Variants in NAV3 observed in about 807,000 individuals in gnomAD.
NAV3 encodes pore membrane and/or filament interacting like protein 1.
In NAV3, 87 loss-of-function variants were observed where a neutral mutation model predicts 244.7. That is an observed-to-expected ratio of 0.36 (90% CI 0.30 to 0.42). The LOEUF is 0.42. NAV3 is among the 20% of genes least tolerant of loss of function. The probability of loss-of-function intolerance (pLI) is 1.00; values close to 1 mark genes in which losing one functional copy is unlikely to be tolerated. For missense variants in NAV3, 2,663 were observed against 2,893.3 expected, an observed-to-expected ratio of 0.92 and a Z score of 1.83; for synonymous variants, 1,126 against 1,042.2, an observed-to-expected ratio of 1.08 and a Z score of -1.55.
intron 18 of NAV3, among the ~76,000 whole-genome samples, chr12:78,136,377 A>C (rs1271660916): frequency 6.6e-6 from 1 of 152,216 alleles, no homozygotes; most frequent in Non-Finnish European, 1.5e-5. Flanking sequence ...GTAGTTGTAC[A>C]TACAATCAAC....
intron 2 of NAV3, among the ~76,000 whole-genome samples, chr12:77,815,426 T>G (rs1164595870): frequency 6.6e-6 from 1 of 152,212 alleles, no homozygotes; most frequent in African/African-American, 2.4e-5. Context: ...TTACTAGAAT[T>G]ACAGCATATA....
At position 78,050,974 on chromosome 12, in the gene NAV3, T is replaced by C. The variant is rs796738982; in HGVS notation, c.2343T>C (p.Tyr781=). 1 of 1,614,116 alleles carries C rather than the reference T, an allele frequency of 6.2e-7. No individual in the cohort carries two copies. The highest frequency in any genetic ancestry group is 1.3e-5 in the African/African-American group (1 of 75,020). ...ACACAGACCCCTCGAGGTTCATGTA[T>C]ACCACGCCTCTCCGTCGAGCTGCTG... ...FIHTDPSRFM[Y]TTPLRRAAVS... is the part of the protein sequence containing the mutation. The change falls in exon 11 of 40, where the codon TAT becomes TAC. Residue 781 remains tyrosine (Y), a synonymous_variant. Coordinates refer to ENST00000397909, the MANE Select transcript of NAV3 (RefSeq NM_001024383.2).
chr12:78,030,422 G>A (rs887379463), intron 9 of NAV3, among the ~76,000 whole-genome samples: 1 of 152,236 alleles, frequency 6.6e-6, no homozygotes, highest in East Asian at 1.9e-4. Context: ...TTTGAAATGT[G>A]GAAAGAGAAA....
At chr12:77,900,872 C>T (rs1885206070) in intron 1 of NAV3, among the ~76,000 whole-genome samples, 1 of 152,082 alleles carries the variant, frequency 6.6e-6, no homozygotes, top group Admixed American at 6.5e-5. Context: ...ATTCCCTTTT[C>T]TCTGCAGCCT....
rs2137990757 is a variant in NAV3, at chr12:77,968,593, C to T, written c.562C>T (p.His188Tyr). ...SLSRYKQQQH[H>Y]QQQYYQSLVE... is the part of the protein sequence containing the mutation. ...ATCTCGCTACAAGCAGCAACAACAC[C>T]ATCAACAACAGTACTATCAGTCCTT... is the stretch of plus-strand genomic sequence containing the variant. Residue 188 changes from histidine (H) to tyrosine (Y), a missense_variant, in exon 5 of 40, where the codon CAT becomes TAT. His to Tyr is a moderately conservative substitution (Grantham distance 83). Around this residue, in one of 6 missense-constraint regions of NAV3, gnomAD observed 1,521 missense variants for 1,497.0 expected, o/e 1.02. Transcript: ENST00000397909. 6.2e-7 allele frequency: 1 copy of T among 1,614,028 alleles called. No individual in the cohort carries two copies. The highest frequency in any genetic ancestry group is 1.3e-5 in the African/African-American group (1 of 75,008).
At chr12:77,573,327 C>A (rs1868918943) in intron 2 of NAV3, among the ~76,000 whole-genome samples, 1 of 152,060 alleles carries the variant, frequency 6.6e-6, no homozygotes, top group Non-Finnish European at 1.5e-5. Context: ...ATAATTAATG[C>A]AACTGGCATG....
At chr12:78,205,503 T>C (rs1271353657) in intron 39 of NAV3, among the ~76,000 whole-genome samples, 1 of 152,012 alleles carries the variant, frequency 6.6e-6, no homozygotes, top group Non-Finnish European at 1.5e-5. Context: ...AAAGTTATGG[T>C]ATAATGTACT....
chr12:77,913,615 G>A (rs1158732833), intron 1 of NAV3, among the ~76,000 whole-genome samples: 3 of 151,888 alleles, frequency 2.0e-5, no homozygotes, highest in African/African-American at 7.3e-5. Flanking sequence ...GAGAAGTTAT[G>A]GTTTCTTGGA....
intron 9 of NAV3, among the ~76,000 whole-genome samples, chr12:78,031,337 T>C (rs560422824): frequency 6.6e-6 from 1 of 152,256 alleles, no homozygotes; most frequent in East Asian, 1.9e-4. Context: ...ACCTTGATTT[T>C]CTTTGGGGAG....
chr12:78,021,680 C>G, intron 8 of NAV3, 67 bp from the exon 9 acceptor site: 1 of 1,066,650 alleles, frequency 9.4e-7, no homozygotes, highest in Non-Finnish European at 1.4e-6. Flanking sequence ...TCTTGTAGAA[C>G]TTCCACTTTG....
chr12:77,787,412 G>A (rs901135909), intron 2 of NAV3, among the ~76,000 whole-genome samples: 2 of 152,174 alleles, frequency 1.3e-5, no homozygotes, highest in African/African-American at 4.8e-5. Flanking sequence ...AAGGAAAGAG[G>A]TTTAATTGAC....
chr12:77,958,491 C>G (rs1275080172), intron 3 of NAV3, among the ~76,000 whole-genome samples: 1 of 152,072 alleles, frequency 6.6e-6, no homozygotes, highest in African/African-American at 2.4e-5. Flanking sequence ...GGACCAATTT[C>G]TATTACATTT....
chr12:77,660,542 A>G (rs1191803647), intron 2 of NAV3, among the ~76,000 whole-genome samples: 2 of 152,198 alleles, frequency 1.3e-5, no homozygotes, highest in African/African-American at 4.8e-5. Flanking sequence ...TTTACAGTTT[A>G]TAAACCACAA....
At chr12:77,716,908 G>A (rs1428910060) in intron 2 of NAV3, among the ~76,000 whole-genome samples, 2 of 152,022 alleles carry the variant, frequency 1.3e-5, no homozygotes, top group Non-Finnish European at 2.9e-5. Context: ...CTTCTGTTGA[G>A]AGCAGAAATC....
At chr12:77,799,159 G>A (rs139525281) in intron 2 of NAV3, among the ~76,000 whole-genome samples, 9 of 152,322 alleles carry the variant, frequency 5.9e-5, no homozygotes, top group Admixed American at 5.9e-4. Context: ...AGGTATCTTT[G>A]TATAGTATTT....
At chr12:78,207,675 G>A (rs1242251195) in intron 39 of NAV3, among the ~76,000 whole-genome samples, 1 of 152,194 alleles carries the variant, frequency 6.6e-6, no homozygotes, top group Non-Finnish European at 1.5e-5. Context: ...TAATAGAAAT[G>A]ATGAGTTTAG....
At chr12:77,657,278 A>G (rs1873162738) in intron 2 of NAV3, among the ~76,000 whole-genome samples, 1 of 152,224 alleles carries the variant, frequency 6.6e-6, no homozygotes, top group Non-Finnish European at 1.5e-5. Context: ...AGGGGATATC[A>G]CCACCGATCC....
At chr12:77,778,537 A>G (rs761987806) in intron 2 of NAV3, among the ~76,000 whole-genome samples, 10 of 150,878 alleles carry the variant, frequency 6.6e-5, no homozygotes, top group African/African-American at 9.8e-5. Context: ...GCGTGAACTC[A>G]GGAGACAGAG....
intron 9 of NAV3, among the ~76,000 whole-genome samples, chr12:78,032,921 TG>T (rs528858268): frequency 5.9e-5 from 9 of 152,188 alleles, no homozygotes; most frequent in Admixed American, 2.6e-4. Context: ...CCTTTTTTTT[TG>T]CATAAGACTA....
Sources: gnomAD v4.1 joint callset for allele counts (sites outside exome capture counted in the v4.1 genomes callset) on GRCh38, gnomAD v4.1.1 for gene constraint, gnomAD v4.1.1 regional missense constraint, MANE v1.5 for transcripts, NCBI Gene and HGNC (gene_info 2026-07-23, HGNC 2026-07-21) for gene names.